MYO5A: variants seen among roughly 807,000 people sequenced by gnomAD.
MYO5A encodes the protein myosin VA.
In MYO5A, 98 loss-of-function variants were observed where a neutral mutation model predicts 249.7. The ratio of observed to expected loss-of-function variants is 0.39; its 90% CI spans 0.33 to 0.46. The LOEUF (loss-of-function observed/expected upper bound fraction) is 0.46, where lower values mean the gene tolerates loss of function less well. Ranked by LOEUF, MYO5A falls within the 20% of genes least tolerant of loss-of-function variation. The pLI is 0.98. For synonymous variants in MYO5A, 778 were observed against 810.6 expected, an observed-to-expected ratio of 0.96 and a Z score of 0.68; for missense variants, 1,696 against 2,308.8, an observed-to-expected ratio of 0.73 and a Z score of 5.44.
chr15:52,518,116 AT>A (rs1226467482), intron 1 of MYO5A, among the ~76,000 whole-genome samples: 1 of 152,060 alleles, frequency 6.6e-6, no homozygotes, highest in Admixed American at 6.6e-5. Flanking sequence ...ATTCTCCCCC[AT>A]CCCCACCATC....
At chr15:52,325,202 C>T (rs901960680) in intron 36 of MYO5A, among the ~76,000 whole-genome samples, 2 of 152,136 alleles carry the variant, frequency 1.3e-5, no homozygotes, top group African/African-American at 4.8e-5. Context: ...GAGAGTGTCA[C>T]TAAAGCACCA....
intron 1 of MYO5A, among the ~76,000 whole-genome samples, chr15:52,448,450 G>A (rs2075941706): frequency 1.3e-5 from 2 of 152,148 alleles, no homozygotes; most frequent in South Asian, 2.1e-4. Context: ...AGGCTCATAG[G>A]CAAAAGGGAC....
chr15:52,457,757 G>A (rs1414626545), intron 1 of MYO5A, among the ~76,000 whole-genome samples: 1 of 152,102 alleles, frequency 6.6e-6, no homozygotes, highest in Non-Finnish European at 1.5e-5. Context: ...TCCCACTTCT[G>A]GGTATTTATT....
At chr15:52,323,321 T>G (rs374824525) in intron 37 of MYO5A, 34 bp downstream of exon 37, 1 of 1,554,488 alleles carries the variant, frequency 6.4e-7, no homozygotes, top group Non-Finnish European at 8.9e-7. Context: ...AGAGAAAGTA[T>G]AGCATGCTGG....
At chr15:52,513,640 A>G (rs2077440904) in intron 1 of MYO5A, among the ~76,000 whole-genome samples, 2 of 151,648 alleles carry the variant, frequency 1.3e-5, no homozygotes, top group African/African-American at 4.8e-5. Flanking sequence ...CATGCTGGCC[A>G]GGCTGGTCTC....
intron 5 of MYO5A, 112 bp from the exon 6 acceptor site, chr15:52,410,588 A>ATTT (rs5812605): frequency 0.013 from 9,065 of 674,878 alleles, 7 homozygotes; most frequent in East Asian, 0.026. Context: ...CTTAAAATTG[A>ATTT]TTTTTTTTTT....
intron 1 of MYO5A, among the ~76,000 whole-genome samples, chr15:52,455,784 A>T (rs1279034198): frequency 6.6e-6 from 1 of 151,890 alleles, no homozygotes; most frequent in Non-Finnish European, 1.5e-5. Context: ...AAAAAAAAAA[A>T]ACCTCAACAA....
chr15:52,501,278 G>C (rs748123312), intron 1 of MYO5A, among the ~76,000 whole-genome samples: 1 of 148,130 alleles, frequency 6.8e-6, no homozygotes, highest in Non-Finnish European at 1.5e-5. Context: ...GCCAGAAAAC[G>C]TTTTTTTTTT....
intron 31 of MYO5A, 140 bp from the exon 32 acceptor site, chr15:52,340,534 A>T: frequency 1.3e-6 from 1 of 752,504 alleles, no homozygotes; most frequent in Non-Finnish European, 2.2e-6. Flanking sequence ...ACTTGATTAA[A>T]GTCAAGAAAC....
chr15:52,367,900 C>T (rs1426268003), intron 22 of MYO5A, among the ~76,000 whole-genome samples: 1 of 151,670 alleles, frequency 6.6e-6, no homozygotes, highest in African/African-American at 2.4e-5. Flanking sequence ...CACACACACA[C>T]ACACACACAC....
intron 23 of MYO5A, among the ~76,000 whole-genome samples, chr15:52,366,629 C>CA (rs60631867): frequency 0.016 from 1,218 of 74,508 alleles, 65 homozygotes; most frequent in Non-Finnish European, 0.029. Context: ...ATTGATTTAG[C>CA]AAAAAAAAAA....
At chr15:52,370,625 T>C (rs1333655010) in intron 21 of MYO5A, among the ~76,000 whole-genome samples, 1 of 152,214 alleles carries the variant, frequency 6.6e-6, no homozygotes, top group Non-Finnish European at 1.5e-5. Context: ...ATTAATTCAA[T>C]TCTGTTTGAT....
intron 37 of MYO5A, among the ~76,000 whole-genome samples, chr15:52,323,033 C>A (rs931343365): frequency 6.6e-6 from 1 of 152,086 alleles, no homozygotes; most frequent in Non-Finnish European, 1.5e-5. Flanking sequence ...TGATTAATTT[C>A]TTTAAATAGT....
At position 52,369,869 on chromosome 15, in the gene MYO5A, C is replaced by CTT. The variant is rs5812601; in HGVS notation, c.3066+298_3066+299dup. ...AAAAGGAGTCTATGCCCCAGACTGA[C>CTT]TTTTTTTTTTTTTTTTTTTTTTTAA... is the stretch of plus-strand genomic sequence containing the variant. On this transcript the variant is annotated intron_variant, in intron 22 of 41. Transcript: ENST00000399233. Among the ~76,000 whole-genome samples, 160 of 93,790 alleles carry CTT rather than the reference C, an allele frequency of 1.7e-3. 1 individual carries two copies. Among genetic ancestry groups the CTT allele is most frequent in the African/African-American group, 5.6e-3 (154 of 27,382 alleles). 61.5% of individuals were successfully genotyped at this position (93,790 alleles called of 152,430 possible). A position where few individuals can be genotyped will look rare whatever the true frequency, so the allele number is the denominator to read the frequency against.
intron 1 of MYO5A, among the ~76,000 whole-genome samples, chr15:52,510,545 C>T (rs1423990400): frequency 2.6e-5 from 4 of 152,178 alleles, no homozygotes; most frequent in African/African-American, 4.8e-5. Context: ...GGTGAGCTAG[C>T]GAGCAATACC....
chr15:52,407,162 T>C, intron 8 of MYO5A, 130 bp downstream of exon 8: 1 of 721,018 alleles, frequency 1.4e-6, no homozygotes, highest in Non-Finnish European at 2.5e-6. Flanking sequence ...TCTAAATGTG[T>C]TCTATGTGGA....
At position 52,356,035 on chromosome 15, in the gene MYO5A, A is replaced by G. The variant is rs1567047297; in HGVS notation, c.3424-2021T>C. On this transcript the variant is annotated intron_variant, in intron 25 of 41. Transcript: ENST00000399233. Reference sequence around the variant, plus strand: ...CATCATAATGGAAGTTGTGGATGCCATAATTGTTTTAACATGTTTACCTAA... The same window carrying G: ...CATCATAATGGAAGTTGTGGATGCCGTAATTGTTTTAACATGTTTACCTAA... Among the ~76,000 whole-genome samples, 3 of 152,356 alleles carry G rather than the reference A, an allele frequency of 2.0e-5. No homozygotes were observed. The South Asian group carries it at 6.2e-4, about 32-fold the overall frequency.
chr15:52,507,807 A>C (rs2141607500), intron 1 of MYO5A, among the ~76,000 whole-genome samples: 1 of 150,676 alleles, frequency 6.6e-6, no homozygotes, highest in African/African-American at 2.4e-5. Flanking sequence ...CTGTCCCCAA[A>C]AAAAAAAAAA....
intron 1 of MYO5A, among the ~76,000 whole-genome samples, chr15:52,441,096 T>C (rs1380511229): frequency 2.0e-5 from 3 of 152,174 alleles, no homozygotes; most frequent in African/African-American, 7.2e-5. Flanking sequence ...TTAATGCGGA[T>C]GTTACACATG....
Sources: gnomAD v4.1 joint callset for allele counts (sites outside exome capture counted in the v4.1 genomes callset) on GRCh38, gnomAD v4.1.1 for gene constraint, MANE v1.5 for transcripts, NCBI Gene and HGNC (gene_info 2026-07-23, HGNC 2026-07-21) for gene names.